CLMN: variants seen among roughly 807,000 people sequenced by gnomAD.
CLMN encodes calmin, also known as calmin (calponin-like, transmembrane).
CLMN carries 57 observed loss-of-function variants against 92.7 expected under a neutral mutation model. That is an observed-to-expected ratio of 0.61 (90% CI 0.50 to 0.77). The LOEUF (loss-of-function observed/expected upper bound fraction) is 0.77. Ranked by LOEUF, CLMN falls within the 30% of genes least tolerant of loss-of-function variation. CLMN has a pLI of 0.00. For synonymous variants in CLMN, 466 were observed against 470.6 expected (o/e 0.99, Z 0.13); for missense variants, 1,158 against 1,237.5 (o/e 0.94, Z 0.96).
At chr14:95,301,703 A>C (rs7140215) in intron 1 of CLMN, among the ~76,000 whole-genome samples, 34,952 of 152,134 alleles carry the variant, frequency 0.23, 4,622 homozygotes, top group African/African-American at 0.36. Flanking sequence ...CCAACCTACT[A>C]GGTCACCTGG....
At chr14:95,288,230 T>G (rs1900417230) in intron 1 of CLMN, among the ~76,000 whole-genome samples, 2 of 152,184 alleles carry the variant, frequency 1.3e-5, no homozygotes, top group Admixed American at 1.3e-4. Flanking sequence ...AGGACTTACG[T>G]GAACAGCTGC....
intron 8 of CLMN, 74 bp from the exon 9 acceptor site, chr14:95,204,537 T>C: frequency 1.5e-6 from 2 of 1,336,622 alleles, no homozygotes; most frequent in Non-Finnish European, 1.0e-6. Flanking sequence ...CAGAGCAACA[T>C]GAGTAAGAAG....
At chr14:95,296,319 C>T (rs1001757805) in intron 1 of CLMN, 3 of 152,262 alleles carry the variant, frequency 2.0e-5, no homozygotes, top group African/African-American at 7.2e-5. Context: ...CTAATCCATT[C>T]ACCAGGGCAG....
rs148172373 is a variant in CLMN at position 95,256,116 on chromosome 14, C to T, written c.83-25983G>A. ...AAGTGGGCAGAATGGTAATTTGAGC[C>T]CAAGTTCTGAACCACTGGGCTACAG... On this transcript the variant is annotated intron_variant, in intron 1 of 12. Transcript: ENST00000298912. The surrounding 1 kb of genome is among the most constrained non-coding windows in gnomAD (Gnocchi z 4.9). 2.4e-4 allele frequency among the ~76,000 whole-genome samples: 37 copies of T among 152,260 alleles called. No homozygotes were observed. The East Asian group carries it at 7.2e-3, about 29-fold the overall frequency.
At chr14:95,271,052 C>T (rs184006408) in intron 1 of CLMN, among the ~76,000 whole-genome samples, 10 of 152,282 alleles carry the variant, frequency 6.6e-5, no homozygotes, top group African/African-American at 1.9e-4. Flanking sequence ...TTCATTTCCA[C>T]GATGACTAAT....
chr14:95,255,624 T>C (rs1898967910), intron 1 of CLMN, among the ~76,000 whole-genome samples: 1 of 152,088 alleles, frequency 6.6e-6, no homozygotes, highest in Admixed American at 6.5e-5. Flanking sequence ...CCTTAGCAAA[T>C]GAATACACAG....
chr14:95,282,586 G>A (rs1182490131), intron 1 of CLMN, among the ~76,000 whole-genome samples: 1 of 152,220 alleles, frequency 6.6e-6, no homozygotes, highest in Non-Finnish European at 1.5e-5. Flanking sequence ...GTATGCAGAG[G>A]CCAAACAAGC....
At chr14:95,282,422 G>A (rs1396839284) in intron 1 of CLMN, among the ~76,000 whole-genome samples, 2 of 152,194 alleles carry the variant, frequency 1.3e-5, no homozygotes, top group African/African-American at 4.8e-5. Flanking sequence ...GACAGGAGTA[G>A]GAGCTGGGGG....
chr14:95,258,891 T>A (rs989305800), intron 1 of CLMN, among the ~76,000 whole-genome samples: 4 of 151,324 alleles, frequency 2.6e-5, no homozygotes, highest in African/African-American at 9.7e-5. Context: ...GGTGTGTGTG[T>A]GGAGGGTGTG....
chr14:95,267,417 A>G (rs1202171188), intron 1 of CLMN, among the ~76,000 whole-genome samples: 1 of 152,238 alleles, frequency 6.6e-6, no homozygotes, highest in Non-Finnish European at 1.5e-5. Context: ...AACGGCCAAC[A>G]GGCATATGAA....
In CLMN at chr14:95,319,700, G is replaced by A. The variant is rs1312508451; in HGVS notation, c.82+11C>T. The A allele has an allele frequency of 3.5e-5, 56 of 1,592,594 alleles. No individual in the cohort carries two copies. The highest frequency in any genetic ancestry group is 4.4e-5 in the Non-Finnish European group (52 of 1,174,864). ...GCCCAGCCATCCCGGGGCGAGCCTG[G>A]GCTGCGTTACCTTGCAGGTTCTGCA... On this transcript the variant is annotated intron_variant, in intron 1 of 12. Transcript: ENST00000298912.
intron 1 of CLMN, among the ~76,000 whole-genome samples, chr14:95,244,843 TG>T (rs1300275045): frequency 6.6e-6 from 1 of 151,740 alleles, no homozygotes; most frequent in Non-Finnish European, 1.5e-5. Flanking sequence ...CCCCTTCCAA[TG>T]GGGGCTGCTG....
chr14:95,231,578 C>A (rs769485008), intron 1 of CLMN, among the ~76,000 whole-genome samples: 1 of 152,152 alleles, frequency 6.6e-6, no homozygotes, highest in African/African-American at 2.4e-5. Context: ...AAAACTGGTC[C>A]CTGGTGCCAA....
At chr14:95,263,554 C>T (rs562088056) in intron 1 of CLMN, among the ~76,000 whole-genome samples, 2 of 152,102 alleles carry the variant, frequency 1.3e-5, no homozygotes, top group Non-Finnish European at 2.9e-5. Context: ...GGAAAAGGAG[C>T]GGGAGGCATC....
At position 95,258,994 on chromosome 14, in the gene CLMN, T is replaced by C. The variant is rs142152527; in HGVS notation, c.83-28861A>G. ...GTGTGTGGTGTGTGTGCGTGGAGAGTGTGTTTGTATGTATGTGTGATATGT... is the reference window on the plus strand; with the variant it reads ...GTGTGTGGTGTGTGTGCGTGGAGAGCGTGTTTGTATGTATGTGTGATATGT... On this transcript the variant is annotated intron_variant, in intron 1 of 12. Transcript: ENST00000298912. Among the ~76,000 whole-genome samples, 355 of 149,872 alleles carry C rather than the reference T, an allele frequency of 2.4e-3. 14 individuals carry two copies. The East Asian group carries it at 0.058, about 25-fold the overall frequency.
intron 1 of CLMN, 21 bp from the exon 2 acceptor site, chr14:95,230,154 T>C: frequency 1.2e-6 from 2 of 1,610,346 alleles, no homozygotes; most frequent in South Asian, 1.1e-5. Context: ...AGACATACCA[T>C]CAGCTGGGAG....
At chr14:95,280,305 G>A (rs1034426501) in intron 1 of CLMN, among the ~76,000 whole-genome samples, 6 of 152,140 alleles carry the variant, frequency 3.9e-5, no homozygotes, top group African/African-American at 1.4e-4. Context: ...TAAGAATTGG[G>A]TTTGATATTA....
In CLMN at chr14:95,263,366, T is replaced by C. The variant is rs1400217414; in HGVS notation, c.83-33233A>G. Among the ~76,000 whole-genome samples, 7 of 152,140 alleles carry C rather than the reference T, an allele frequency of 4.6e-5. No individual in the cohort carries two copies. In the East Asian group the frequency reaches 1.3e-3, roughly 29 times the overall value. ...CATGATTCAATTACCTCCCGCCAGG[T>C]TGGTCCCATGGCACGTGGGGATTAT... On this transcript the variant is annotated intron_variant, in intron 1 of 12. Transcript: ENST00000298912.
At chr14:95,245,191 TATA>T (rs1352512856) in intron 1 of CLMN, among the ~76,000 whole-genome samples, 3 of 38,160 alleles carry the variant, frequency 7.9e-5, no homozygotes, top group Non-Finnish European at 1.3e-4. Flanking sequence ...TATATATATA[TATA>T]ATATATATAT....
Sources: gnomAD v4.1 joint callset for allele counts (sites outside exome capture counted in the v4.1 genomes callset) on GRCh38, gnomAD v4.1.1 for gene constraint, Gnocchi (gnomAD v3.1) non-coding constraint, MANE v1.5 for transcripts, NCBI Gene and HGNC (gene_info 2026-07-23, HGNC 2026-07-21) for gene names.